The following PTPRN2 variants were observed in gnomAD, a reference collection of about 807,000 sequenced individuals.
The protein encoded by PTPRN2 is protein tyrosine phosphatase receptor type N2, also known as receptor-type tyrosine-protein phosphatase N2.
A neutral mutation model predicts 118.8 loss-of-function variants in PTPRN2; 74 were observed. That is an observed-to-expected ratio of 0.62 (90% confidence interval 0.52 to 0.76). The LOEUF is 0.76. PTPRN2 is among the 30% of genes least tolerant of loss of function. PTPRN2 has a pLI of 0.00. For missense variants in PTPRN2, 1,481 were observed against 1,394.4 expected (o/e 1.06, Z -0.99); for synonymous variants, 641 against 608.0 (o/e 1.05, Z -0.80).
chr7:157,626,500 A>G (rs552651205), intron 14 of PTPRN2, among the ~76,000 whole-genome samples: 12 of 152,156 alleles, frequency 7.9e-5, no homozygotes, highest in Non-Finnish European at 1.3e-4. Context: ...CGGTCAGGAC[A>G]TGCCCATTAC....
At chr7:158,508,895 C>T (rs200340337) in intron 1 of PTPRN2, among the ~76,000 whole-genome samples, 1,390 of 97,270 alleles carry the variant, frequency 0.014, 4 homozygotes, top group East Asian at 0.043. Context: ...GTCGGGGCAA[C>T]GTGGGACGCT....
At chr7:158,150,870 C>A (rs935348280) in intron 6 of PTPRN2, among the ~76,000 whole-genome samples, 1 of 152,070 alleles carries the variant, frequency 6.6e-6, no homozygotes, top group Non-Finnish European at 1.5e-5. Flanking sequence ...TTCTTCCAAC[C>A]CAACGTGCTG....
At chr7:158,204,698 T>C (rs536567593) in intron 4 of PTPRN2, among the ~76,000 whole-genome samples, 3 of 152,294 alleles carry the variant, frequency 2.0e-5, no homozygotes, top group African/African-American at 7.2e-5. Context: ...TGTATGACAT[T>C]ACCACATCGT....
chr7:157,623,959 A>G (rs542864388), intron 14 of PTPRN2, among the ~76,000 whole-genome samples: 6 of 152,274 alleles, frequency 3.9e-5, no homozygotes, highest in South Asian at 2.1e-4. Flanking sequence ...TTTCTCTTTC[A>G]TGGCTTGTAG....
chr7:158,476,321 C>T (rs1232811553), intron 2 of PTPRN2, among the ~76,000 whole-genome samples: 1 of 152,238 alleles, frequency 6.6e-6, no homozygotes, highest in Non-Finnish European at 1.5e-5. Context: ...TAATTTAGAA[C>T]CAGACACATC....
At position 158,563,649 on chromosome 7, in the gene PTPRN2, G is replaced by A. The variant is rs962028065; in HGVS notation, c.112+23909C>T. Among the ~76,000 whole-genome samples the A allele has an allele frequency of 6.6e-6, 1 of 152,196 alleles. No homozygotes were observed. The highest frequency in any genetic ancestry group is 2.4e-5 in the African/African-American group (1 of 41,442). Reference sequence around the variant, plus strand: ...CATCTGAACATCCTTGTTAGCTCAGGGCACACCCTCTGCAGAGACTCACAG... The same window carrying A: ...CATCTGAACATCCTTGTTAGCTCAGAGCACACCCTCTGCAGAGACTCACAG... On this transcript the variant is annotated intron_variant, in intron 1 of 22. Transcript: ENST00000389418. The surrounding 1 kb of genome is among the most constrained non-coding windows in gnomAD (Gnocchi z 5.1).
chr7:157,961,209 T>G, intron 11 of PTPRN2, among the ~76,000 whole-genome samples: 1 of 152,058 alleles, frequency 6.6e-6, no homozygotes, highest in East Asian at 1.9e-4. Context: ...TTCCAAAAAT[T>G]TCACAATGGC....
chr7:158,265,249 C>A (rs994437510), intron 3 of PTPRN2, among the ~76,000 whole-genome samples: 6 of 152,152 alleles, frequency 3.9e-5, no homozygotes, highest in African/African-American at 1.2e-4. Context: ...GCTGGAAACA[C>A]CCCCATGTGG....
intron 11 of PTPRN2, among the ~76,000 whole-genome samples, chr7:158,050,746 C>T (rs1809263530): frequency 1.3e-5 from 2 of 152,278 alleles, no homozygotes; most frequent in African/African-American, 4.8e-5. Flanking sequence ...CCACACGACT[C>T]TTCCATGCCA....
At chr7:158,400,635 T>C (rs1448114935) in intron 2 of PTPRN2, among the ~76,000 whole-genome samples, 2 of 152,148 alleles carry the variant, frequency 1.3e-5, no homozygotes, top group East Asian at 3.9e-4. Flanking sequence ...TGAGGGGCGC[T>C]GGGAGTTGCC....
intron 3 of PTPRN2, among the ~76,000 whole-genome samples, chr7:158,268,301 C>T (rs529403203): frequency 2.8e-5 from 4 of 144,308 alleles, no homozygotes; most frequent in East Asian, 4.2e-4. Context: ...GCACACGGGG[C>T]GGGTGTGAAA....
intron 10 of PTPRN2, among the ~76,000 whole-genome samples, chr7:158,087,476 T>C (rs1813518366): frequency 6.6e-6 from 1 of 152,238 alleles, no homozygotes; most frequent in Non-Finnish European, 1.5e-5. Flanking sequence ...GGGAGAACCA[T>C]CCACCTTTTG....
chr7:158,197,811 A>G (rs973415470), intron 4 of PTPRN2, among the ~76,000 whole-genome samples: 1 of 152,208 alleles, frequency 6.6e-6, no homozygotes, highest in Non-Finnish European at 1.5e-5. Context: ...TCATGAGAAC[A>G]GCATGGAGAC....
At chr7:158,491,279 T>C (rs1195139642) in intron 1 of PTPRN2, among the ~76,000 whole-genome samples, 2 of 152,190 alleles carry the variant, frequency 1.3e-5, no homozygotes, top group African/African-American at 4.8e-5. Flanking sequence ...GGCCCCTGGC[T>C]GGGATCTGCT....
intron 5 of PTPRN2, among the ~76,000 whole-genome samples, chr7:158,174,868 G>A (rs556895579): frequency 6.6e-6 from 1 of 152,160 alleles, no homozygotes; most frequent in African/African-American, 2.4e-5. Context: ...ACACTGCTGA[G>A]GAAGTGACTC....
chr7:158,119,663 T>C (rs2150389822), intron 9 of PTPRN2, among the ~76,000 whole-genome samples: 2 of 152,040 alleles, frequency 1.3e-5, no homozygotes, highest in East Asian at 3.9e-4. Flanking sequence ...TCTATTACAG[T>C]AAATTGTTAT....
intron 11 of PTPRN2, among the ~76,000 whole-genome samples, chr7:158,031,699 C>T (rs139587906): frequency 1.0e-3 from 154 of 152,262 alleles, no homozygotes; most frequent in African/African-American, 3.6e-3. Flanking sequence ...GCATCGTAAT[C>T]TTCAGTGGAT....
At chr7:158,351,875 CCCTCCTGTCTGCTCG>C (rs879567759) in intron 2 of PTPRN2, among the ~76,000 whole-genome samples, 3,384 of 102,678 alleles carry the variant, frequency 0.033, 755 homozygotes, top group Non-Finnish European at 0.046. Flanking sequence ...AGCCCAGCTC[CCCTCCTGTCTGCTCG>C]CCTCCTGTCC....
intron 2 of PTPRN2, among the ~76,000 whole-genome samples, chr7:158,366,938 T>C (rs1809579351): frequency 6.6e-6 from 1 of 152,222 alleles, no homozygotes; most frequent in Admixed American, 6.5e-5. Flanking sequence ...GGAGTGTTTC[T>C]GCTACATAAC....
Sources: gnomAD v4.1 joint callset for allele counts (sites outside exome capture counted in the v4.1 genomes callset) on GRCh38, gnomAD v4.1.1 for gene constraint, Gnocchi (gnomAD v3.1) non-coding constraint, MANE v1.5 for transcripts, NCBI Gene and HGNC (gene_info 2026-07-23, HGNC 2026-07-21) for gene names.